Variants in CRTC1 observed in about 807,000 individuals in gnomAD.
CRTC1 encodes CREB-regulated transcription coactivator 1.
Under a neutral mutation model 66.1 loss-of-function variants are expected in CRTC1, and 18 were observed. That is an observed-to-expected ratio of 0.27 (90% CI 0.19 to 0.40). CRTC1 has a LOEUF of 0.40. CRTC1 is among the 10% of genes least tolerant of loss of function. The probability of loss-of-function intolerance (pLI) is 1.00; values close to 1 mark genes in which losing one functional copy is unlikely to be tolerated. For synonymous variants in CRTC1, 416 were observed against 398.8 expected, an observed-to-expected ratio of 1.04 and a Z score of -0.51; for missense variants, 669 against 887.9, an observed-to-expected ratio of 0.75 and a Z score of 3.13.
chr19:18,742,963 C>T lies in CRTC1; in HGVS notation c.180C>T (p.Tyr60=). Residue 60 remains tyrosine, a synonymous_variant, in exon 2 of 14, where the codon TAC becomes TAT. Coordinates refer to ENST00000321949, the MANE Select transcript of CRTC1 (RefSeq NM_015321.3). ...AACTGGGCCCCAGCCGAGGCCAGTA[C>T]TATGGCGGGTCCCTGCCCAACGTGA... ...YLQLGPSRGQ[Y]YGGSLPNVNQ... The T allele has an allele frequency of 1.2e-6, 2 of 1,613,812 alleles. No homozygotes were observed. The highest frequency in any genetic ancestry group is 1.1e-5 in the South Asian group (1 of 91,086).
Position 18,741,279 on chromosome 19 carries a change from G to T in CRTC1, c.127-1631G>T, listed in dbSNP as rs2054105314. 2.0e-5 allele frequency among the ~76,000 whole-genome samples: 3 copies of T among 152,210 alleles called. No homozygotes were observed. In the South Asian group the frequency reaches 6.2e-4, roughly 32 times the overall value. ...GCTGCTTCAGGGAGTTCTTGCCCCT[G>T]ATGTCTGGCCTCCTGGGAGCTGGCA... On this transcript the variant is annotated intron_variant, in intron 1 of 13. Transcript: ENST00000321949. The surrounding 1 kb of genome is among the most constrained non-coding windows in gnomAD (Gnocchi z 4.2).
chr19:18,699,151 C>T (rs1185394603), intron 1 of CRTC1, among the ~76,000 whole-genome samples: 1 of 152,188 alleles, frequency 6.6e-6, no homozygotes, highest in Non-Finnish European at 1.5e-5. Context: ...GTGGGCAGGC[C>T]TGTCTCCAGT....
At chr19:18,696,343 C>T (rs1568480537) in intron 1 of CRTC1, among the ~76,000 whole-genome samples, 2 of 152,162 alleles carry the variant, frequency 1.3e-5, no homozygotes, top group African/African-American at 4.8e-5. Flanking sequence ...TGGAGCCAGG[C>T]CCTGCCATGT....
At chr19:18,738,213 A>G (rs1600891765) in intron 1 of CRTC1, among the ~76,000 whole-genome samples, 1 of 152,290 alleles carries the variant, frequency 6.6e-6, no homozygotes, top group East Asian at 1.9e-4. Flanking sequence ...GATACTCAGG[A>G]GGCCAAAGTG....
chr19:18,749,946 A>T, intron 5 of CRTC1, 71 bp downstream of exon 5: 1 of 1,232,068 alleles, frequency 8.1e-7, no homozygotes. Flanking sequence ...GTTCTCCAGG[A>T]GGTCACAAGC....
intron 2 of CRTC1, among the ~76,000 whole-genome samples, chr19:18,743,462 C>A (rs1396343310): frequency 6.6e-6 from 1 of 152,242 alleles, no homozygotes; most frequent in African/African-American, 2.4e-5. Context: ...GGCCGCACAG[C>A]CGCCGTGCAC....
chr19:18,752,171 AAG>A (rs1274942591), intron 5 of CRTC1, among the ~76,000 whole-genome samples: 1 of 151,692 alleles, frequency 6.6e-6, no homozygotes, highest in Non-Finnish European at 1.5e-5. Flanking sequence ...AAAAGAAAGA[AAG>A]AAAAATATAC....
At position 18,781,084 on chromosome 19, in the gene CRTC1, T is replaced by C. The variant is rs769005429; in HGVS notation, c.*3702T>C. ...TCCCATCACCTTCACTGGGTCCCGA[T>C]GGAGCCGTCTCAGAGGCCGAGGGGC... On this transcript the variant is annotated 3_prime_UTR_variant, in exon 14 of 14. Transcript: ENST00000321949. 8.8e-5 allele frequency: 20 copies of C among 227,578 alleles called. No individual in the cohort carries two copies. Among genetic ancestry groups the C allele is most frequent in the Non-Finnish European group, 1.7e-4 (20 of 114,658 alleles). The allele number at this position is 227,578 out of a possible 1,614,324, so 14.1% of individuals were successfully genotyped here. A position where few individuals can be genotyped will look rare whatever the true frequency, so the allele number is the denominator to read the frequency against.
intron 2 of CRTC1, chr19:18,744,064 G>A (rs750219074): frequency 1.2e-6 from 2 of 1,608,380 alleles, no homozygotes; most frequent in Non-Finnish European, 1.7e-6. Flanking sequence ...TTGGGGCCAG[G>A]CAAGGCAGCA....
chr19:18,718,539 C>T (rs1388286327), intron 1 of CRTC1, among the ~76,000 whole-genome samples: 1 of 149,554 alleles, frequency 6.7e-6, no homozygotes, highest in South Asian at 2.1e-4. Context: ...AACAGGGTTT[C>T]ACCATATTGG....
At chr19:18,690,150 C>T (rs910905666) in intron 1 of CRTC1, among the ~76,000 whole-genome samples, 6 of 151,880 alleles carry the variant, frequency 4.0e-5, no homozygotes, top group African/African-American at 7.3e-5. Flanking sequence ...GGGGATTCCT[C>T]GTATGACTGA....
rs868689624 is a variant in CRTC1 at position 18,782,231 on chromosome 19, C to G, written c.*4849C>G. 2 of 228,286 alleles carry G rather than the reference C, an allele frequency of 8.8e-6. No individual in the cohort carries two copies. The highest frequency in any genetic ancestry group is 6.3e-5 in the East Asian group (1 of 15,764). The allele number at this position is 228,286 out of a possible 1,614,324, so 14.1% of individuals were successfully genotyped here. A position where few individuals can be genotyped will look rare whatever the true frequency, so the allele number is the denominator to read the frequency against. Reference sequence around the variant, plus strand: ...GCGGGCGGGGGCAGGCGGCTCAGGGCACACTCGGCCGTCCCTGCCCCATCC... The same window carrying G: ...GCGGGCGGGGGCAGGCGGCTCAGGGGACACTCGGCCGTCCCTGCCCCATCC... On this transcript the variant is annotated 3_prime_UTR_variant, in exon 14 of 14. Coordinates refer to ENST00000321949, the MANE Select transcript of CRTC1 (RefSeq NM_015321.3).
At chr19:18,721,114 C>A (rs1568497319) in intron 1 of CRTC1, among the ~76,000 whole-genome samples, 1 of 152,072 alleles carries the variant, frequency 6.6e-6, no homozygotes, top group Non-Finnish European at 1.5e-5. Flanking sequence ...ATGTGGACAC[C>A]TCCTCTCACT....
intron 1 of CRTC1, among the ~76,000 whole-genome samples, chr19:18,726,759 T>TTACTAAAAA (rs1335380144): frequency 6.6e-6 from 1 of 151,276 alleles, no homozygotes; most frequent in Non-Finnish European, 1.5e-5. Flanking sequence ...AACCCTGTCT[T>TTACTAAAAA]TACTAAAAAT....
intron 1 of CRTC1, among the ~76,000 whole-genome samples, chr19:18,720,591 C>T (rs544052495): frequency 1.0e-3 from 138 of 134,922 alleles, no homozygotes; most frequent in Middle Eastern, 8.5e-3. Context: ...TGGTCTTGAT[C>T]TCCTGACCTT....
intron 1 of CRTC1, among the ~76,000 whole-genome samples, chr19:18,726,146 C>T (rs1461261362): frequency 1.3e-5 from 2 of 152,252 alleles, no homozygotes; most frequent in Admixed American, 1.3e-4. Context: ...GATGATTTCC[C>T]TCAGGAGAGC....
intron 1 of CRTC1, among the ~76,000 whole-genome samples, chr19:18,689,583 A>ATATATGTATATG (rs60084986): frequency 1.5e-5 from 1 of 65,736 alleles, no homozygotes; most frequent in Non-Finnish European, 2.5e-5. Flanking sequence ...ATATATATAT[A>ATATATGTATATG]TATGTAATAT....
Position 18,768,483 on chromosome 19 carries a change from A to G in CRTC1, c.1012-2A>G, listed in dbSNP as rs1230727105. On this transcript the variant is annotated splice_acceptor_variant, in intron 9 of 13. Coordinates refer to ENST00000321949, the MANE Select transcript of CRTC1 (RefSeq NM_015321.3). LOFTEE classifies it high-confidence loss of function. The surrounding 1 kb of genome is among the most constrained non-coding windows in gnomAD (Gnocchi z 5.6). The stretch of plus-strand genomic sequence containing the variant: ...CCTGCCTGACGCTCTCCTCTCCTGC[A>G]GGCTGTAGCCATGGACGCCCTGTCT... 1 of 1,608,412 alleles carries G rather than the reference A, an allele frequency of 6.2e-7. No individual in the cohort carries two copies. The highest frequency in any genetic ancestry group is 2.2e-5 in the East Asian group (1 of 44,748).
Position 18,753,605 on chromosome 19 carries a change from CA to C in CRTC1, c.624+25del. On this transcript the variant is annotated intron_variant, in intron 6 of 13. Transcript: ENST00000321949. Reference sequence around the variant, plus strand: ...AAGAAGGTAAGAGCCTATGAGCTTTCAAAAACTTTTTTTCTTCTTTCTCTTC... The same window carrying C: ...AAGAAGGTAAGAGCCTATGAGCTTTCAAAACTTTTTTTCTTCTTTCTCTTC... 2 of 1,579,792 alleles carry C rather than the reference CA, an allele frequency of 1.3e-6. No individual in the cohort carries two copies. The highest frequency in any genetic ancestry group is 1.7e-6 in the Non-Finnish European group (2 of 1,159,254).
Sources: allele counts gnomAD v4.1 joint callset (sites outside exome capture counted in the v4.1 genomes callset), GRCh38; gene constraint gnomAD v4.1.1; non-coding constraint Gnocchi (gnomAD v3.1); transcripts MANE v1.5; gene names NCBI Gene and HGNC (gene_info 2026-07-23, HGNC 2026-07-21).